The following NPHP3 variants were observed in gnomAD, a reference collection of about 807,000 sequenced individuals.
NPHP3 encodes the protein nephrocystin-3.
In NPHP3, 123 loss-of-function variants were observed where a neutral mutation model predicts 171.9. The ratio of observed to expected loss-of-function variants is 0.72; its 90% confidence interval spans 0.62 to 0.83. The LOEUF (loss-of-function observed/expected upper bound fraction) is 0.83, where lower values mean the gene tolerates loss of function less well. NPHP3 is among the 40% of genes least tolerant of loss of function. NPHP3 has a pLI of 0.00. For synonymous variants in NPHP3, 558 were observed against 579.2 expected, an observed-to-expected ratio of 0.96 and a Z score of 0.52; for missense variants, 1,506 against 1,591.9, an observed-to-expected ratio of 0.95 and a Z score of 0.92.
intron 17 of NPHP3, among the ~76,000 whole-genome samples, 163 bp from the exon 18 acceptor site, chr3:132,691,449 C>A (rs1939296810): frequency 6.6e-6 from 1 of 152,092 alleles, no homozygotes; most frequent in South Asian, 2.1e-4. Context: ...ATTTGATAAA[C>A]TGTTACTAGA....
chr3:132,700,704 G>A (rs1267241848), intron 10 of NPHP3, among the ~76,000 whole-genome samples: 1 of 152,024 alleles, frequency 6.6e-6, no homozygotes, highest in Non-Finnish European at 1.5e-5. Flanking sequence ...TTACATATGA[G>A]GGTAAGGTAT....
intron 2 of NPHP3, 95 bp from the exon 3 acceptor site, chr3:132,719,239 A>AATGAATATTGGTTT: frequency 3.0e-6 from 3 of 983,624 alleles, no homozygotes; most frequent in Non-Finnish European, 4.5e-6. Context: ...CATAAAACCA[A>AATGAATATTGGTTT]TATTCATTTG....
intron 5 of NPHP3, among the ~76,000 whole-genome samples, chr3:132,713,894 T>C (rs904768829): frequency 3.9e-4 from 60 of 152,356 alleles, no homozygotes; most frequent in African/African-American, 1.4e-3. Context: ...GAAAGCTAAA[T>C]GAATTTGGTA....
At chr3:132,722,402 AGCGGAACGGAACGGGACGGG>A (rs1560019503) in exon 1 of NPHP3, 1 of 1,542,130 alleles carries the variant, frequency 6.5e-7, no homozygotes, top group Admixed American at 1.8e-5. Context: ...AGGACTGGGC[AGCGGAACGGAACGGGACGGG>A]GTGGGGCAGA....
intron 24 of NPHP3, 68 bp downstream of exon 24, chr3:132,684,486 T>G: frequency 6.4e-7 from 1 of 1,560,524 alleles, no homozygotes; most frequent in Non-Finnish European, 8.8e-7. Context: ...GACAAATTAT[T>G]TTGCTGATAG....
At chr3:132,713,364 A>G in intron 5 of NPHP3, 78 bp from the exon 6 acceptor site, 1 of 954,562 alleles carries the variant, frequency 1.0e-6, no homozygotes, top group Non-Finnish European at 1.6e-6. Flanking sequence ...CTTAAAATAA[A>G]AAGCACGCTT....
In NPHP3 at chr3:132,696,713, A is replaced by G; in HGVS notation, c.2171+18T>C. ...ACACAAAACATGCAGAAGATCATGT[A>G]AAATAATCACCACTCACCGCGCGAT... On this transcript the variant is annotated intron_variant, in intron 15 of 26. Transcript: ENST00000337331. The G allele has an allele frequency of 6.2e-7, 1 of 1,610,810 alleles. No homozygotes were observed. Among genetic ancestry groups the G allele is most frequent in the South Asian group, 1.1e-5 (1 of 91,018 alleles).
chr3:132,701,314 T>A lies in NPHP3; in HGVS notation c.1628+116A>T, dbSNP rs77904309. The A allele has an allele frequency of 1.9e-3, 1,368 of 711,528 alleles. 23 individuals carry two copies. In the African/African-American group the frequency reaches 0.022, roughly 12 times the overall value. 44.1% of individuals were successfully genotyped at this position (711,528 alleles called of 1,614,324 possible). A position where few individuals can be genotyped will look rare whatever the true frequency, so the allele number is the denominator to read the frequency against. ...ATGAACCTATTGTTTTATTCCTTTT[T>A]ACTTTGTTAATGTTTAGTGTAGGCC... is the stretch of plus-strand genomic sequence containing the variant. On this transcript the variant is annotated intron_variant, in intron 10 of 26. Transcript: ENST00000337331.
chr3:132,717,201 C>CA (rs1012731628), intron 3 of NPHP3: 107 of 333,438 alleles, frequency 3.2e-4, no homozygotes, highest in East Asian at 7.1e-4. Flanking sequence ...AAACATTTTA[C>CA]AAAAAAAAAT....
Position 132,690,652 on chromosome 3 carries a change from T to C in NPHP3, c.2571-2A>G. On this transcript the variant is annotated splice_acceptor_variant, in intron 18 of 26. Coordinates refer to ENST00000337331, the MANE Select transcript of NPHP3 (RefSeq NM_153240.5). LOFTEE classifies it high-confidence loss of function. ...CTTCTCCAAGTCACTCTGTCCTGAC[T>C]ATCAAAAGAGAGGAGACAATATTCA... 6.2e-7 allele frequency: 1 copy of C among 1,613,820 alleles called. No homozygotes were observed. The highest frequency in any genetic ancestry group is 8.5e-7 in the Non-Finnish European group (1 of 1,179,736).
At chr3:132,702,915 C>T (rs1939652497) in intron 9 of NPHP3, among the ~76,000 whole-genome samples, 2 of 152,122 alleles carry the variant, frequency 1.3e-5, no homozygotes, top group Non-Finnish European at 2.9e-5. Context: ...AGACCCATGG[C>T]TATAAAAGAA....
chr3:132,689,368 G>A (rs1560002600), intron 19 of NPHP3, 105 bp from the exon 20 acceptor site: 4 of 1,187,566 alleles, frequency 3.4e-6, no homozygotes, highest in East Asian at 4.8e-5. Context: ...TTATTAGTAG[G>A]CGAGTACTGT....
Position 132,681,939 on chromosome 3 carries a change from T to C in NPHP3, c.3964A>G (p.Asn1322Asp). The C allele has an allele frequency of 1.2e-6, 2 of 1,613,974 alleles. No homozygotes were observed. The highest frequency in any genetic ancestry group is 1.7e-6 in the Non-Finnish European group (2 of 1,179,904). ...CTTTGTCCTTGCTGAAGGAAAACAT[T>C]AGGAGAATGAGCTGTTTTTAAGCTA... is the stretch of plus-strand genomic sequence containing the variant. ...TFSLKTAHSP[N>D]VFLQQGQR Residue 1322 changes from asparagine to aspartate, a missense_variant, in exon 27 of 27, where the codon AAT becomes GAT. Transcript: ENST00000337331.
intron 21 of NPHP3, among the ~76,000 whole-genome samples, chr3:132,687,596 A>C (rs1419025594): frequency 6.6e-6 from 1 of 152,224 alleles, no homozygotes. Context: ...TCAAAATTTC[A>C]GTTTTCTATA....
At chr3:132,719,200 C>T in intron 2 of NPHP3, 56 bp from the exon 3 acceptor site, 1 of 1,373,726 alleles carries the variant, frequency 7.3e-7, no homozygotes, top group Non-Finnish European at 1.0e-6. Flanking sequence ...AAAGTTGTGT[C>T]ATCAACTTTA....
At chr3:132,710,345 G>GT (rs1939875295) in intron 6 of NPHP3, among the ~76,000 whole-genome samples, 1 of 144,792 alleles carries the variant, frequency 6.9e-6, no homozygotes, top group Non-Finnish European at 1.5e-5. Flanking sequence ...AGGTGATCTG[G>GT]TAAAAAAAAA....
At chr3:132,703,834 G>A (rs1939679455) in intron 9 of NPHP3, among the ~76,000 whole-genome samples, 1 of 152,076 alleles carries the variant, frequency 6.6e-6, no homozygotes, top group South Asian at 2.1e-4. Flanking sequence ...GCTTGTCTCA[G>A]CCTCCCAAAG....
chr3:132,700,460 AGACAG>A lies in NPHP3; in HGVS notation c.1629-17_1629-13del, dbSNP rs1197764455. The stretch of plus-strand genomic sequence containing the variant: ...GTTGTAATTGAATCCTGAAAGAAAA[AGACAG>A]AACTTTTATAAAACCGATAAAGTTC... On this transcript the variant is annotated splice_polypyrimidine_tract_variant and intron_variant, in intron 10 of 26. Transcript: ENST00000337331. The A allele has an allele frequency of 2.5e-5, 38 of 1,514,860 alleles. No individual in the cohort carries two copies. The highest frequency in any genetic ancestry group is 3.2e-5 in the Non-Finnish European group (35 of 1,094,290). 93.8% of individuals were successfully genotyped at this position (1,514,860 alleles called of 1,614,324 possible). A position where few individuals can be genotyped will look rare whatever the true frequency, so the allele number is the denominator to read the frequency against.
chr3:132,713,188 T>C lies in NPHP3; in HGVS notation c.1056A>G (p.Val352=). ...AACTTTTCTCAATTTCCCATTTTCT[T>C]ACAGTGAGGTATTGATTTTCAACAT... ...PIDVENQYLT[V]RKWEIEKSSL... The change falls in exon 6 of 27, where the codon GTA becomes GTG. Residue 352 remains valine, a synonymous_variant. Transcript: ENST00000337331. The C allele has an allele frequency of 6.5e-7, 1 of 1,549,598 alleles. No homozygotes were observed. The highest frequency in any genetic ancestry group is 8.9e-7 in the Non-Finnish European group (1 of 1,129,370).
Sources: allele counts gnomAD v4.1 joint callset (sites outside exome capture counted in the v4.1 genomes callset), GRCh38; gene constraint gnomAD v4.1.1; transcripts MANE v1.5; gene names NCBI Gene and HGNC (gene_info 2026-07-23, HGNC 2026-07-21).